IMMP2L: variants seen among roughly 807,000 people sequenced by gnomAD.
IMMP2L encodes the protein inner mitochondrial membrane peptidase subunit 2.
In IMMP2L, 18 loss-of-function variants were observed where a neutral mutation model predicts 19.3. The ratio of observed to expected loss-of-function variants is 0.93; its 90% CI spans 0.64 to 1.38. IMMP2L has a LOEUF of 1.38. IMMP2L is among the 40% of genes most tolerant of loss of function. IMMP2L has a pLI of 0.00. For missense variants in IMMP2L, 233 were observed against 218.2 expected (o/e 1.07, Z -0.43); for synonymous variants, 76 against 73.0 (o/e 1.04, Z -0.21).
At chr7:111,436,549 T>C (rs1837190390) in intron 3 of IMMP2L, among the ~76,000 whole-genome samples, 1 of 151,488 alleles carries the variant, frequency 6.6e-6, no homozygotes, top group African/African-American at 2.4e-5. Flanking sequence ...ACCCCACACA[T>C]ATATGAATAC....
intron 3 of IMMP2L, among the ~76,000 whole-genome samples, chr7:111,073,500 A>C (rs1053384935): frequency 6.6e-6 from 1 of 152,110 alleles, no homozygotes; most frequent in African/African-American, 2.4e-5. Context: ...GCTTGTACAG[A>C]TCTGAGACTA....
intron 5 of IMMP2L, among the ~76,000 whole-genome samples, chr7:110,826,015 A>C (rs1028622366): frequency 2.1e-4 from 32 of 152,204 alleles, no homozygotes; most frequent in African/African-American, 5.5e-4. Flanking sequence ...ACCCCATCAA[A>C]AAGTGGGCGA....
intron 5 of IMMP2L, among the ~76,000 whole-genome samples, chr7:110,818,825 G>C (rs560877735): frequency 4.0e-5 from 6 of 151,492 alleles, no homozygotes; most frequent in African/African-American, 1.5e-4. Flanking sequence ...ATGGATGAAG[G>C]TGGAAACCAT....
intron 1 of IMMP2L, among the ~76,000 whole-genome samples, chr7:111,541,859 CTAACCAACTGT>C (rs1848530391): frequency 6.6e-6 from 1 of 152,048 alleles, no homozygotes; most frequent in Non-Finnish European, 1.5e-5. Context: ...AGACCTGTCC[CTAACCAACTGT>C]TATCCAAGTA....
chr7:111,338,266 T>C (rs952266460), intron 3 of IMMP2L, among the ~76,000 whole-genome samples: 4 of 152,080 alleles, frequency 2.6e-5, no homozygotes, highest in Non-Finnish European at 5.9e-5. Context: ...GATTAAAGAA[T>C]AGAAGCAAAC....
intron 3 of IMMP2L, among the ~76,000 whole-genome samples, chr7:111,232,890 T>A (rs1272654947): frequency 1.3e-5 from 2 of 152,130 alleles, no homozygotes; most frequent in African/African-American, 4.8e-5. Context: ...TGCAATCCCC[T>A]TCTCAGAGTC....
chr7:110,773,285 G>A (rs1049841449), intron 5 of IMMP2L, among the ~76,000 whole-genome samples: 13 of 152,020 alleles, frequency 8.6e-5, no homozygotes, highest in Non-Finnish European at 1.6e-4. Flanking sequence ...CGCCTGGGGC[G>A]ATAATCTTGC....
intron 4 of IMMP2L, among the ~76,000 whole-genome samples, chr7:110,900,824 CG>C (rs1339928371): frequency 6.6e-6 from 1 of 151,924 alleles, no homozygotes; most frequent in African/African-American, 2.4e-5. Context: ...GAGGGTGGGT[CG>C]GGGTGGTGGG....
intron 3 of IMMP2L, among the ~76,000 whole-genome samples, chr7:111,362,481 C>A (rs2131004910): frequency 6.6e-6 from 1 of 151,538 alleles, no homozygotes; most frequent in African/African-American, 2.4e-5. Context: ...CATTTTTTTT[C>A]TATTTTTTAT....
chr7:110,956,916 AT>A (rs1203207277), intron 4 of IMMP2L, among the ~76,000 whole-genome samples: 1 of 152,024 alleles, frequency 6.6e-6, no homozygotes, highest in Non-Finnish European at 1.5e-5. Context: ...CTTTGCATTC[AT>A]TTTATGGTTT....
intron 5 of IMMP2L, among the ~76,000 whole-genome samples, chr7:110,742,454 C>T (rs1287263782): frequency 2.6e-5 from 4 of 152,056 alleles, no homozygotes; most frequent in Admixed American, 2.0e-4. Context: ...TGCAATGAAA[C>T]ACTATGCGAC....
At chr7:111,153,688 G>A (rs2129603734) in intron 3 of IMMP2L, among the ~76,000 whole-genome samples, 1 of 151,852 alleles carries the variant, frequency 6.6e-6, no homozygotes, top group East Asian at 1.9e-4. Flanking sequence ...TACAACACAG[G>A]AAAAAAGGTA....
intron 5 of IMMP2L, among the ~76,000 whole-genome samples, chr7:110,825,908 G>A (rs887283132): frequency 1.4e-4 from 21 of 152,072 alleles, no homozygotes; most frequent in South Asian, 2.1e-4. Context: ...GCAACCTACA[G>A]AATGGGAGAA....
intron 5 of IMMP2L, among the ~76,000 whole-genome samples, chr7:110,691,921 A>T (rs549295498): frequency 6.6e-6 from 1 of 152,124 alleles, no homozygotes; most frequent in South Asian, 2.1e-4. Flanking sequence ...AATTAAAAGT[A>T]GATTTACCAT....
At chr7:110,733,415 A>G (rs1796402912) in intron 5 of IMMP2L, among the ~76,000 whole-genome samples, 1 of 151,414 alleles carries the variant, frequency 6.6e-6, no homozygotes. Flanking sequence ...GCCAAAATTT[A>G]GTTGCAACAC....
In IMMP2L at chr7:111,111,282, T is replaced by C. The variant is rs548623293; in HGVS notation, c.240-147717A>G. 1.5e-4 allele frequency among the ~76,000 whole-genome samples: 22 copies of C among 149,072 alleles called. 1 individual carries two copies. The East Asian group carries it at 3.5e-3, about 24-fold the overall frequency. Reference sequence around the variant, plus strand: ...TTATGTGGGCATATCGCCCATGCTCTTCATGGGTAGCAGTTGTAAAAAAAA... The same window carrying C: ...TTATGTGGGCATATCGCCCATGCTCCTCATGGGTAGCAGTTGTAAAAAAAA... On this transcript the variant is annotated intron_variant, in intron 3 of 5. Transcript: ENST00000405709.
chr7:110,792,811 T>G (rs1800555768), intron 5 of IMMP2L, among the ~76,000 whole-genome samples: 1 of 152,052 alleles, frequency 6.6e-6, no homozygotes, highest in African/African-American at 2.4e-5. Context: ...CAGAGGAGTT[T>G]TGGTGCCTTA....
chr7:111,163,767 GT>G (rs901250084), intron 3 of IMMP2L, among the ~76,000 whole-genome samples: 1 of 152,038 alleles, frequency 6.6e-6, no homozygotes, highest in East Asian at 1.9e-4. Flanking sequence ...CCAAGGGAAG[GT>G]TTTTTAGGGA....
chr7:110,962,658 C>T, intron 4 of IMMP2L: 2 of 925,756 alleles, frequency 2.2e-6, no homozygotes, highest in Non-Finnish European at 2.6e-6. Flanking sequence ...GTGGGGATCC[C>T]CTGGGATCCT....
Sources: gnomAD v4.1 joint callset for allele counts (sites outside exome capture counted in the v4.1 genomes callset) on GRCh38, gnomAD v4.1.1 for gene constraint, MANE v1.5 for transcripts, NCBI Gene and HGNC (gene_info 2026-07-23, HGNC 2026-07-21) for gene names.